KCMF1: variants seen among roughly 807,000 people sequenced by gnomAD.
KCMF1 encodes potassium channel modulatory factor 1, also known as E3 ubiquitin-protein ligase KCMF1.
Under a neutral mutation model 41.1 loss-of-function variants are expected in KCMF1, and 3 were observed. That is an observed-to-expected ratio of 0.07 (90% CI 0.03 to 0.19). KCMF1 has a LOEUF of 0.19. KCMF1 is among the 10% of genes least tolerant of loss of function. KCMF1 has a pLI of 1.00. For missense variants in KCMF1, 286 were observed against 488.9 expected (o/e 0.58, Z 3.91); for synonymous variants, 142 against 164.5 (o/e 0.86, Z 1.04).
At chr2:85,036,024 G>A (rs997843397) in intron 3 of KCMF1, among the ~76,000 whole-genome samples, 2 of 152,142 alleles carry the variant, frequency 1.3e-5, no homozygotes, top group African/African-American at 2.4e-5. Flanking sequence ...GCAGGGGTAG[G>A]GGCAGGTGTT....
rs558613342 is a variant in KCMF1, at chr2:84,986,718, A to AG, written c.16+15251_16+15252insG. 1.5e-3 allele frequency among the ~76,000 whole-genome samples: 196 copies of AG among 133,408 alleles called. 2 individuals carry two copies. The highest frequency in any genetic ancestry group is 5.3e-3 in the African/African-American group (184 of 34,564). The allele number at this position is 133,408 out of a possible 152,430, so 87.5% of individuals were successfully genotyped here. On this transcript the variant is annotated intron_variant, in intron 1 of 6. Coordinates refer to ENST00000409785, the MANE Select transcript of KCMF1 (RefSeq NM_020122.5). ...TGGTGAAACCGTGTCTGTACTTAAG[A>AG]AAAAAAAAAAAAAATTAGCCAGGCG... is the stretch of plus-strand genomic sequence containing the variant.
chr2:85,049,609 G>A lies in KCMF1; in HGVS notation c.845G>A (p.Ser282Asn). The A allele has an allele frequency of 6.2e-7, 1 of 1,613,886 alleles. No individual in the cohort carries two copies. The highest frequency in any genetic ancestry group is 1.7e-4 in the Middle Eastern group (1 of 6,060). The change falls in exon 6 of 7, where the codon AGT becomes AAT. Residue 282 changes from serine (S) to asparagine (N), a missense_variant. Physicochemically the swap from Ser to Asn is conservative, Grantham distance 46. Coordinates refer to ENST00000409785, the MANE Select transcript of KCMF1 (RefSeq NM_020122.5). ...ATTNIANTES[S>N]QQTLQNSQFL... ...ACCAACATAGCTAATACAGAAAGCA[G>A]TCAGCAGACTCTACAGAATTCCCAG...
At chr2:85,033,349 A>C (rs1675328069) in intron 2 of KCMF1, among the ~76,000 whole-genome samples, 1 of 152,170 alleles carries the variant, frequency 6.6e-6, no homozygotes, top group Admixed American at 6.6e-5. Flanking sequence ...CTTTAATTTT[A>C]TTTTATGTTT....
intron 3 of KCMF1, among the ~76,000 whole-genome samples, chr2:85,040,154 G>C (rs1306369358): frequency 6.6e-6 from 1 of 152,162 alleles, no homozygotes; most frequent in Non-Finnish European, 1.5e-5. Context: ...AAGAAATACT[G>C]ACTTAAGCCA....
At chr2:85,011,687 C>G (rs1674656108) in intron 1 of KCMF1, among the ~76,000 whole-genome samples, 1 of 152,228 alleles carries the variant, frequency 6.6e-6, no homozygotes, top group South Asian at 2.1e-4. Flanking sequence ...TGACCTCTTC[C>G]CATTTTTTTT....
chr2:85,002,888 A>G (rs1674368896), intron 1 of KCMF1, among the ~76,000 whole-genome samples: 2 of 152,188 alleles, frequency 1.3e-5, no homozygotes, highest in South Asian at 4.1e-4. Flanking sequence ...CTATATAACT[A>G]TATATACTAC....
intron 2 of KCMF1, among the ~76,000 whole-genome samples, chr2:85,034,803 G>A (rs1056660374): frequency 1.3e-5 from 2 of 152,014 alleles, no homozygotes; most frequent in Non-Finnish European, 2.9e-5. Flanking sequence ...TGTATTTTTA[G>A]TAGACACGAG....
rs144907376 is a variant in KCMF1 at position 85,055,806 on chromosome 2, A to G, written c.*2397A>G. On this transcript the variant is annotated 3_prime_UTR_variant, in exon 7 of 7. Transcript: ENST00000409785. ...AGACTTTGATGGAGACAAAATCAAA[A>G]TATACCACTGTTTATTTTGGCAGCA... 3.3e-5 allele frequency: 5 copies of G among 152,326 alleles called. No individual in the cohort carries two copies. The highest frequency in any genetic ancestry group is 1.2e-4 in the African/African-American group (5 of 41,570). The allele number at this position is 152,326 out of a possible 1,614,324, so 9.4% of individuals were successfully genotyped here. A position where few individuals can be genotyped will look rare whatever the true frequency, so the allele number is the denominator to read the frequency against.
chr2:85,040,144 A>G (rs1675491240), intron 3 of KCMF1, among the ~76,000 whole-genome samples: 1 of 152,172 alleles, frequency 6.6e-6, no homozygotes, highest in Non-Finnish European at 1.5e-5. Flanking sequence ...AGCCAAATTA[A>G]AGAAATACTG....
At chr2:84,981,213 A>G (rs1241676835) in intron 1 of KCMF1, among the ~76,000 whole-genome samples, 6 of 149,844 alleles carry the variant, frequency 4.0e-5, no homozygotes, top group South Asian at 2.1e-4. Flanking sequence ...TTTTTGAGAC[A>G]GAGTCTCACT....
intron 1 of KCMF1, among the ~76,000 whole-genome samples, chr2:85,014,719 G>A (rs1574025174): frequency 7.0e-6 from 1 of 142,594 alleles, no homozygotes; most frequent in Admixed American, 6.9e-5. Context: ...GTGCGTGCGT[G>A]CGTGCGTGTG....
At chr2:84,994,139 G>A (rs889914525) in intron 1 of KCMF1, among the ~76,000 whole-genome samples, 4 of 151,360 alleles carry the variant, frequency 2.6e-5, no homozygotes, top group African/African-American at 4.9e-5. Flanking sequence ...TGGTAGAGGC[G>A]AGGTTTCACC....
intron 1 of KCMF1, among the ~76,000 whole-genome samples, chr2:85,017,012 C>CTTTTTTTTTTTTTTTT (rs768880385): frequency 5.0e-5 from 5 of 99,524 alleles, no homozygotes; most frequent in Non-Finnish European, 9.6e-5. Flanking sequence ...AGATCCTCTT[C>CTTTTTTTTTTTTTTTT]TTTTTTTTTT....
intron 1 of KCMF1, among the ~76,000 whole-genome samples, chr2:85,014,905 A>G (rs1205491146): frequency 2.0e-5 from 3 of 150,780 alleles, no homozygotes; most frequent in Middle Eastern, 3.2e-3. Context: ...AAAACTTGCA[A>G]CCTGGGTCTC....
intron 1 of KCMF1, among the ~76,000 whole-genome samples, chr2:85,022,886 C>CTTTTTTTTTTTT (rs34732141): frequency 1.2e-4 from 13 of 111,762 alleles, no homozygotes; most frequent in Non-Finnish European, 2.1e-4. Context: ...TGTATGTATT[C>CTTTTTTTTTTTT]TTTTTTTTTT....
intron 2 of KCMF1, among the ~76,000 whole-genome samples, chr2:85,028,493 T>TCTGTCTGTTCATCTTAATCATAG (rs1675173243): frequency 7.5e-6 from 1 of 133,890 alleles, no homozygotes; most frequent in African/African-American, 2.9e-5. Context: ...CTTTTTTTTT[T>TCTGTCTGTTCATCTTAATCATAG]TTTTTTTTTT....
At chr2:85,008,321 C>CATATATAATATATCATATG (rs1558573489) in intron 1 of KCMF1, among the ~76,000 whole-genome samples, 8 of 43,950 alleles carry the variant, frequency 1.8e-4, no homozygotes, top group Non-Finnish European at 3.5e-4. Flanking sequence ...ATATATATAT[C>CATATATAATATATCATATG]ATATATAATA....
intron 1 of KCMF1, among the ~76,000 whole-genome samples, chr2:84,979,062 C>T (rs942082463): frequency 2.0e-5 from 3 of 151,494 alleles, no homozygotes; most frequent in Admixed American, 6.6e-5. Flanking sequence ...TGGCCAGGCT[C>T]GTCTCGAACT....
chr2:85,040,103 A>C (rs1341640106), intron 3 of KCMF1, among the ~76,000 whole-genome samples: 1 of 152,218 alleles, frequency 6.6e-6, no homozygotes. Context: ...GGCGTGAGCC[A>C]CTGCACCTGG....
Sources: gnomAD v4.1 joint callset for allele counts (sites outside exome capture counted in the v4.1 genomes callset) on GRCh38, gnomAD v4.1.1 for gene constraint, MANE v1.5 for transcripts, NCBI Gene and HGNC (gene_info 2026-07-23, HGNC 2026-07-21) for gene names.